HS6ST2: variants seen among roughly 807,000 people sequenced by gnomAD.
HS6ST2 encodes heparan-sulfate 6-O-sulfotransferase 2.
HS6ST2 carries 17 observed loss-of-function variants against 33.0 expected under a neutral mutation model. That is an observed-to-expected ratio of 0.52 (90% CI 0.35 to 0.77). The LOEUF is 0.77. Among genes scored for constraint, HS6ST2 ranks in the 30% least tolerant of loss-of-function variants. HS6ST2 has a pLI of 0.01. For synonymous variants in HS6ST2, 248 were observed against 237.1 expected, an observed-to-expected ratio of 1.05 and a Z score of -0.42; for missense variants, 519 against 551.7, an observed-to-expected ratio of 0.94 and a Z score of 0.59.
At chrX:132,632,139 C>T (rs1291552753) in intron 4 of HS6ST2, among the ~76,000 whole-genome samples, 1 of 111,174 alleles carries the variant, frequency 9.0e-6, no homozygotes, top group Non-Finnish European at 1.9e-5. Flanking sequence ...CACACACATA[C>T]ACACACTGCT....
chrX:132,882,979 G>C (rs758009549), intron 2 of HS6ST2, among the ~76,000 whole-genome samples: 101 of 111,468 alleles, frequency 9.1e-4, no homozygotes, highest in African/African-American at 2.7e-3. Context: ...ATGAAGCCCA[G>C]TTGATCATGG....
intron 4 of HS6ST2, among the ~76,000 whole-genome samples, chrX:132,666,858 T>C (rs112262276): frequency 1.8e-5 from 2 of 111,308 alleles, no homozygotes; most frequent in African/African-American, 6.5e-5. Context: ...CATCAGAACA[T>C]GGCATCCTCT....
In HS6ST2 at chrX:132,647,115, C is replaced by T. The variant is rs533283083; in HGVS notation, c.1068-18022G>A. The stretch of plus-strand genomic sequence containing the variant: ...GCCCATATGGACAGGACTGAGATCA[C>T]AGAAGTGAGGAGAGAGAACATCTCC... On this transcript the variant is annotated intron_variant, in intron 4 of 4. Transcript: ENST00000370833. Among the ~76,000 whole-genome samples the T allele has an allele frequency of 1.6e-4, 18 of 111,461 alleles. No homozygotes were observed. The South Asian group carries it at 6.2e-3, about 38-fold the overall frequency.
At chrX:132,681,789 C>A (rs770869938) in intron 3 of HS6ST2, among the ~76,000 whole-genome samples, 9 of 111,850 alleles carry the variant, frequency 8.0e-5, no homozygotes, top group Non-Finnish European at 1.5e-4. Context: ...TTCTCTCCAG[C>A]CACAAAACAA....
chrX:132,679,586 C>T (rs766067500), intron 3 of HS6ST2, among the ~76,000 whole-genome samples: 1 of 111,192 alleles, frequency 9.0e-6, no homozygotes, highest in South Asian at 3.9e-4. Context: ...GTTTCAGGCA[C>T]CATTGTCATT....
Position 132,878,731 on chromosome X carries a change from A to G in HS6ST2, c.947+78077T>C, listed in dbSNP as rs779595634. 4.5e-5 allele frequency among the ~76,000 whole-genome samples: 5 copies of G among 111,999 alleles called. No homozygotes were observed. The South Asian group carries it at 1.9e-3, about 42-fold the overall frequency. On this transcript the variant is annotated intron_variant, in intron 2 of 4. Transcript: ENST00000370833. ...AAGTAAGATCATTTGGAATATAAATAATCATAAACCTATCATATTGTCAAA... is the reference window on the plus strand; with the variant it reads ...AAGTAAGATCATTTGGAATATAAATGATCATAAACCTATCATATTGTCAAA...
chrX:132,819,574 G>T (rs779850418), intron 2 of HS6ST2, among the ~76,000 whole-genome samples: 6 of 111,577 alleles, frequency 5.4e-5, no homozygotes, highest in Non-Finnish European at 9.4e-5. Context: ...GCTTCCTAGA[G>T]ATCCAACCTT....
At chrX:132,671,426 T>C (rs1293783612) in intron 3 of HS6ST2, among the ~76,000 whole-genome samples, 1 of 107,653 alleles carries the variant, frequency 9.3e-6, no homozygotes, top group Non-Finnish European at 1.9e-5. Context: ...AAGTGCTGAG[T>C]CACTAAGTTC....
chrX:132,823,373 C>T (rs1345337619), intron 2 of HS6ST2, among the ~76,000 whole-genome samples: 1 of 110,409 alleles, frequency 9.1e-6, no homozygotes, highest in African/African-American at 3.3e-5. Context: ...CACCTGTCAC[C>T]TGAGTAGTAT....
intron 4 of HS6ST2, among the ~76,000 whole-genome samples, chrX:132,643,976 CT>C (rs1166496213): frequency 9.0e-6 from 1 of 111,731 alleles, no homozygotes; most frequent in East Asian, 2.8e-4. Context: ...CTGGCTTGGG[CT>C]TTTTTGTCTG....
At chrX:132,774,924 T>C (rs2064942151) in intron 2 of HS6ST2, among the ~76,000 whole-genome samples, 1 of 110,690 alleles carries the variant, frequency 9.0e-6, no homozygotes, top group South Asian at 4.0e-4. Context: ...CAAGAGATCT[T>C]CCCACCTCGG....
At chrX:132,770,780 T>C (rs1191998546) in intron 2 of HS6ST2, among the ~76,000 whole-genome samples, 3 of 111,241 alleles carry the variant, frequency 2.7e-5, no homozygotes, top group African/African-American at 9.8e-5. Flanking sequence ...CTTAAATTAG[T>C]AGGGCTCTTC....
intron 3 of HS6ST2, among the ~76,000 whole-genome samples, chrX:132,684,278 C>A (rs749751120): frequency 1.0e-5 from 1 of 99,076 alleles, no homozygotes; most frequent in Non-Finnish European, 2.0e-5. Context: ...TATGTATATA[C>A]ATATATATAT....
chrX:132,922,927 G>A (rs1807546131), intron 2 of HS6ST2, among the ~76,000 whole-genome samples: 3 of 110,040 alleles, frequency 2.7e-5, no homozygotes, highest in African/African-American at 1.0e-4. Flanking sequence ...GCCGGGCGTG[G>A]TAGCACACAC....
At chrX:132,839,389 C>T (rs2065686232) in intron 2 of HS6ST2, among the ~76,000 whole-genome samples, 1 of 103,907 alleles carries the variant, frequency 9.6e-6, no homozygotes. Flanking sequence ...GAAATTATGT[C>T]TTCTGCAGCA....
chrX:132,916,437 TTAAG>T (rs2066591600), intron 2 of HS6ST2, among the ~76,000 whole-genome samples: 1 of 57,067 alleles, frequency 1.8e-5, no homozygotes, highest in Admixed American at 2.4e-4. Flanking sequence ...ATGGTTAATA[TTAAG>T]TGTCAACTTG....
chrX:132,725,213 AATAAT>A (rs2064380215), intron 2 of HS6ST2, among the ~76,000 whole-genome samples: 1 of 110,987 alleles, frequency 9.0e-6, no homozygotes, highest in African/African-American at 3.3e-5. Context: ...TGAAGAGAGA[AATAAT>A]ATAATATAAT....
chrX:132,789,381 C>T (rs2065095767), intron 2 of HS6ST2, among the ~76,000 whole-genome samples: 1 of 110,657 alleles, frequency 9.0e-6, no homozygotes, highest in Non-Finnish European at 1.9e-5. Flanking sequence ...TTTAAACCCA[C>T]CATTGAGACC....
chrX:132,914,021 T>C lies in HS6ST2; in HGVS notation c.947+42787A>G, dbSNP rs769244166. On this transcript the variant is annotated intron_variant, in intron 2 of 4. Transcript: ENST00000370833. ...CTTCCCACTGCCTGCTCTAAAATGC[T>C]GTCCTTTCACCCAGCCTTTTCAATA... Among the ~76,000 whole-genome samples the C allele has an allele frequency of 7.0e-4, 79 of 112,196 alleles. 1 individual carries two copies. Among genetic ancestry groups the C allele is most frequent in the African/African-American group, 2.5e-3 (78 of 30,889 alleles).
Sources: allele counts gnomAD v4.1 joint callset (sites outside exome capture counted in the v4.1 genomes callset), GRCh38; gene constraint gnomAD v4.1.1; transcripts MANE v1.5; gene names NCBI Gene and HGNC (gene_info 2026-07-23, HGNC 2026-07-21).